PDCD10: variants seen among roughly 807,000 people sequenced by gnomAD.
The protein encoded by PDCD10 is programmed cell death 10, also known as programmed cell death protein 10.
In PDCD10, 4 loss-of-function variants were observed where a neutral mutation model predicts 29.2. The observed-to-expected ratio is 0.14, with a 90% CI of 0.07 to 0.31. The LOEUF (loss-of-function observed/expected upper bound fraction) is 0.31. Ranked by LOEUF, PDCD10 falls within the 10% of genes least tolerant of loss-of-function variation. PDCD10 has a pLI of 1.00. For missense variants in PDCD10, 183 were observed against 257.9 expected, an observed-to-expected ratio of 0.71 and a Z score of 1.99; for synonymous variants, 70 against 82.2, an observed-to-expected ratio of 0.85 and a Z score of 0.80.
intron 8 of PDCD10, 91 bp downstream of exon 8, chr3:167,687,143 A>G (rs1378868013): frequency 2.9e-6 from 2 of 700,162 alleles, no homozygotes; most frequent in Middle Eastern, 3.9e-4. Context: ...TAATAATAAA[A>G]TAAAAGGGCT....
intron 2 of PDCD10, among the ~76,000 whole-genome samples, chr3:167,720,979 T>C (rs1301892611): frequency 6.6e-6 from 1 of 152,088 alleles, no homozygotes; most frequent in East Asian, 1.9e-4. Flanking sequence ...AGGCTGGTAG[T>C]TTGGATTAAA....
intron 8 of PDCD10, 37 bp downstream of exon 8, chr3:167,687,197 T>G (rs778760611): frequency 9.5e-7 from 1 of 1,055,486 alleles, no homozygotes; most frequent in Non-Finnish European, 1.5e-6. Flanking sequence ...CATAATCTAT[T>G]TAATTTTAAA....
intron 4 of PDCD10, among the ~76,000 whole-genome samples, chr3:167,702,636 C>T (rs1342079006): frequency 6.6e-6 from 1 of 152,128 alleles, no homozygotes; most frequent in Non-Finnish European, 1.5e-5. Flanking sequence ...TTGGGAAAAA[C>T]TATTTTAATC....
intron 2 of PDCD10, among the ~76,000 whole-genome samples, chr3:167,729,165 T>C (rs1306319074): frequency 6.6e-6 from 1 of 152,134 alleles, no homozygotes; most frequent in Non-Finnish European, 1.5e-5. Context: ...TATTATAATA[T>C]ACATATTTCT....
At chr3:167,691,963 T>C (rs1257960750) in intron 6 of PDCD10, among the ~76,000 whole-genome samples, 1 of 152,224 alleles carries the variant, frequency 6.6e-6, no homozygotes, top group Non-Finnish European at 1.5e-5. Context: ...GCTTAGCATA[T>C]AATAAGTCCT....
chr3:167,722,697 CTT>C (rs1044537451), intron 2 of PDCD10, among the ~76,000 whole-genome samples: 8 of 152,090 alleles, frequency 5.3e-5, no homozygotes, highest in Admixed American at 6.5e-5. Flanking sequence ...TGGAATTACT[CTT>C]GTGTTTCACT....
intron 3 of PDCD10, among the ~76,000 whole-genome samples, chr3:167,715,664 T>A (rs1722933619): frequency 6.6e-6 from 1 of 152,026 alleles, no homozygotes; most frequent in African/African-American, 2.4e-5. Flanking sequence ...GAAAAGGTGC[T>A]CAACATCATA....
chr3:167,704,954 T>A, intron 3 of PDCD10, 59 bp from the exon 4 acceptor site: 1 of 1,001,024 alleles, frequency 1.0e-6, no homozygotes. Flanking sequence ...AGCACATTTC[T>A]GAGATTCCAT....
intron 4 of PDCD10, among the ~76,000 whole-genome samples, chr3:167,701,180 G>C (rs922724122): frequency 2.6e-5 from 4 of 152,148 alleles, no homozygotes; most frequent in Admixed American, 2.0e-4. Context: ...TGTTTCTGCG[G>C]TTAGAAAGCA....
At position 167,717,203 on chromosome 3, in the gene PDCD10, A is replaced by T. The variant is rs78439970; in HGVS notation, c.96+2859T>A. ...AACATCGAACTTCCAGAATGCCATA[A>T]ATAACTTTGGCTTGCAAGCTGTAGT... On this transcript the variant is annotated intron_variant, in intron 3 of 8. Transcript: ENST00000392750. 9.7e-3 allele frequency among the ~76,000 whole-genome samples: 1,469 copies of T among 152,092 alleles called. 29 individuals carry two copies. The highest frequency in any genetic ancestry group is 0.096 in the East Asian group (497 of 5,178).
chr3:167,705,063 A>G (rs1577343903), intron 3 of PDCD10, among the ~76,000 whole-genome samples, 168 bp from the exon 4 acceptor site: 1 of 152,164 alleles, frequency 6.6e-6, no homozygotes, highest in South Asian at 2.1e-4. Flanking sequence ...AAAATTTTCA[A>G]TGAAAAAATA....
chr3:167,701,885 A>G (rs1414743998), intron 4 of PDCD10, among the ~76,000 whole-genome samples: 1 of 152,148 alleles, frequency 6.6e-6, no homozygotes, highest in East Asian at 1.9e-4. Flanking sequence ...CATGAAAGAG[A>G]TTGTAGATAT....
At chr3:167,733,734 AAAC>A (rs1293936000) in intron 2 of PDCD10, among the ~76,000 whole-genome samples, 3 of 152,206 alleles carry the variant, frequency 2.0e-5, no homozygotes, top group Non-Finnish European at 2.9e-5. Context: ...ATGAGAGTAA[AAAC>A]AGTCCTAAGG....
At chr3:167,685,318 G>C (rs1325143434) in intron 8 of PDCD10, among the ~76,000 whole-genome samples, 1 of 148,878 alleles carries the variant, frequency 6.7e-6, no homozygotes, top group Non-Finnish European at 1.5e-5. Flanking sequence ...GCTGAGGCAG[G>C]AGAATTGCTT....
intron 5 of PDCD10, among the ~76,000 whole-genome samples, chr3:167,696,708 G>A (rs548296892): frequency 3.7e-4 from 57 of 152,152 alleles, no homozygotes; most frequent in Non-Finnish European, 4.7e-4. Flanking sequence ...TTCCAAATAA[G>A]CTTATCTTTT....
intron 8 of PDCD10, among the ~76,000 whole-genome samples, chr3:167,686,605 T>C (rs557441892): frequency 6.6e-4 from 101 of 152,262 alleles, no homozygotes; most frequent in African/African-American, 2.2e-3. Flanking sequence ...CTGTAATGTA[T>C]CACCTGAAAA....
chr3:167,688,424 C>CT (rs1719868682), intron 6 of PDCD10, among the ~76,000 whole-genome samples: 1 of 152,038 alleles, frequency 6.6e-6, no homozygotes, highest in Non-Finnish European at 1.5e-5. Flanking sequence ...CATCCTTTGA[C>CT]TATATATGCA....
intron 2 of PDCD10, among the ~76,000 whole-genome samples, chr3:167,724,341 C>T (rs1723876797): frequency 6.6e-6 from 1 of 152,162 alleles, no homozygotes; most frequent in Admixed American, 6.5e-5. Flanking sequence ...CAGTACTCAG[C>T]CCTCTTGGCC....
intron 3 of PDCD10, among the ~76,000 whole-genome samples, chr3:167,706,982 C>G (rs1577346562): frequency 6.6e-6 from 1 of 152,190 alleles, no homozygotes; most frequent in East Asian, 1.9e-4. Flanking sequence ...ACTCCCTGTA[C>G]TCACTCTTCC....
Sources: gnomAD v4.1 joint callset for allele counts (sites outside exome capture counted in the v4.1 genomes callset) on GRCh38, gnomAD v4.1.1 for gene constraint, MANE v1.5 for transcripts, NCBI Gene and HGNC (gene_info 2026-07-23, HGNC 2026-07-21) for gene names.